Variants in BRD1 observed in about 807,000 individuals in gnomAD.
The protein encoded by BRD1 is bromodomain-containing protein 1.
BRD1 carries 24 observed loss-of-function variants against 107.7 expected under a neutral mutation model. The observed-to-expected ratio is 0.22, with a 90% CI of 0.16 to 0.31. BRD1 has a LOEUF of 0.31. Ranked by LOEUF, BRD1 falls within the 10% of genes least tolerant of loss-of-function variation. BRD1 has a pLI of 1.00. For missense variants in BRD1, 1,279 were observed against 1,638.6 expected (o/e 0.78, Z 3.79); for synonymous variants, 744 against 686.1 (o/e 1.08, Z -1.32).
chr22:49,816,747 G>C (rs140241577), intron 2 of BRD1, among the ~76,000 whole-genome samples: 68 of 152,326 alleles, frequency 4.5e-4, no homozygotes, highest in African/African-American at 1.3e-3. Flanking sequence ...AAATAGACTA[G>C]GGCCAGGTGG....
At chr22:49,811,807 A>C (rs1465080743) in intron 2 of BRD1, among the ~76,000 whole-genome samples, 1 of 152,196 alleles carries the variant, frequency 6.6e-6, no homozygotes, top group Non-Finnish European at 1.5e-5. Flanking sequence ...CAGGGATGGA[A>C]TGGGACACAC....
chr22:49,774,256 T>C lies in BRD1; in HGVS notation c.3547A>G (p.Ser1183Gly). ...HLSRVHGEPT[S>G]DLSDID ...CGTCAGTCAATGTCACTGAGGTCGCTGGTCGGCTCCCCGTGGACGCGGCTC... is the reference window on the plus strand; with the variant it reads ...CGTCAGTCAATGTCACTGAGGTCGCCGGTCGGCTCCCCGTGGACGCGGCTC... Residue 1183 changes from serine (S) to glycine (G), a missense_variant, in exon 13 of 13, where the codon AGC becomes GGC. Ser to Gly is a moderately conservative substitution (Grantham distance 56). This residue lies in a region of BRD1 where 136 missense variants were observed against 196.8 expected (regional missense o/e 0.69). Coordinates refer to ENST00000404760, the MANE Select transcript of BRD1 (RefSeq NM_001304808.3). 3.1e-6 allele frequency: 5 copies of C among 1,613,968 alleles called. No individual in the cohort carries two copies. The highest frequency in any genetic ancestry group is 4.2e-6 in the Non-Finnish European group (5 of 1,179,900).
chr22:49,817,701 T>G (rs2059980407), intron 2 of BRD1: 1 of 221,184 alleles, frequency 4.5e-6, no homozygotes, highest in Admixed American at 4.1e-5. Flanking sequence ...CTTGGAAGAA[T>G]ATCAATTCCA....
chr22:49,821,431 AC>A (rs1413732113), intron 2 of BRD1, among the ~76,000 whole-genome samples: 5 of 152,224 alleles, frequency 3.3e-5, no homozygotes, highest in Admixed American at 2.0e-4. Context: ...AGATTAATTT[AC>A]AAAGACAAAC....
intron 2 of BRD1, chr22:49,821,037 A>G (rs888042678): frequency 6.6e-6 from 1 of 152,388 alleles, no homozygotes; most frequent in Admixed American, 6.5e-5. Flanking sequence ...ACCACACAGT[A>G]CGCGGTTTAG....
At chr22:49,786,706 G>A (rs377313368) in intron 8 of BRD1, among the ~76,000 whole-genome samples, 2 of 152,062 alleles carry the variant, frequency 1.3e-5, no homozygotes, top group Non-Finnish European at 2.9e-5. Flanking sequence ...TTGCAGAGTC[G>A]AGCTCCCACA....
chr22:49,775,840 C>A, intron 11 of BRD1, 95 bp from the exon 12 acceptor site: 1 of 1,223,912 alleles, frequency 8.2e-7, no homozygotes, highest in Non-Finnish European at 1.1e-6. Context: ...CCCACCCCAG[C>A]TGTGTGAGCC....
chr22:49,780,206 A>T (rs111728779), intron 8 of BRD1, among the ~76,000 whole-genome samples: 5 of 151,992 alleles, frequency 3.3e-5, no homozygotes, highest in Non-Finnish European at 5.9e-5. Context: ...TGCACAGACC[A>T]CTCAGCAGCC....
chr22:49,789,218 C>A (rs114652518), intron 7 of BRD1, among the ~76,000 whole-genome samples: 4,297 of 152,294 alleles, frequency 0.028, 224 homozygotes, highest in African/African-American at 0.098. Context: ...GGCAGGGGCA[C>A]ATGCGAGGTG....
Position 49,787,755 on chromosome 22 carries a change from A to T in BRD1, c.2492T>A (p.Val831Asp). Residue 831 changes from valine to aspartate, a missense_variant, in exon 8 of 13, where the codon GTC (valine) becomes GAC (aspartate). Val to Asp is a radical substitution (Grantham distance 152, BLOSUM62 -3). This residue lies in a region of BRD1 where 406 missense variants were observed against 519.4 expected (regional missense o/e 0.78). Coordinates refer to ENST00000404760, the MANE Select transcript of BRD1 (RefSeq NM_001304808.3). ...NPEQSKLFKR[V>D]TFDNESHSAC... ...GCTATGTGATTCATTATCAAATGTGACTCTTTTGAAAAGTTTACTCTGCTC... is the reference window on the plus strand; with the variant it reads ...GCTATGTGATTCATTATCAAATGTGTCTCTTTTGAAAAGTTTACTCTGCTC... The T allele has an allele frequency of 6.4e-7, 1 of 1,550,528 alleles. No individual in the cohort carries two copies. Among genetic ancestry groups the T allele is most frequent in the Non-Finnish European group, 8.7e-7 (1 of 1,147,020 alleles).
chr22:49,819,195 G>A lies in BRD1; in HGVS notation c.1367+3756C>T, dbSNP rs142354884. Among the ~76,000 whole-genome samples the A allele has an allele frequency of 2.7e-3, 414 of 152,272 alleles. 2 individuals are homozygous for A. Among genetic ancestry groups the A allele is most frequent in the African/African-American group, 7.6e-3 (316 of 41,556 alleles). On this transcript the variant is annotated intron_variant, in intron 2 of 12. Transcript: ENST00000404760. ...GGATCGCTTGAACCTGGGAGGTGGA[G>A]GCTGCAGTGAGCCGAGATTATGCCA... is the stretch of plus-strand genomic sequence containing the variant.
chr22:49,774,463 A>T, intron 12 of BRD1, 47 bp from the exon 13 acceptor site: 1 of 1,567,892 alleles, frequency 6.4e-7, no homozygotes, highest in Non-Finnish European at 8.7e-7. Context: ...TGCACATGGT[A>T]TTTCAGCAGG....
intron 9 of BRD1, 98 bp downstream of exon 9, chr22:49,777,580 T>C: frequency 6.7e-7 from 1 of 1,500,996 alleles, no homozygotes; most frequent in Non-Finnish European, 8.9e-7. Flanking sequence ...CAGAGAACAC[T>C]AAGATGGGAG....
At chr22:49,813,248 A>G (rs1242446119) in intron 2 of BRD1, among the ~76,000 whole-genome samples, 1 of 152,020 alleles carries the variant, frequency 6.6e-6, no homozygotes, top group Non-Finnish European at 1.5e-5. Context: ...TTTGAGATGG[A>G]GTCTCGCTCT....
rs76483085 is a variant in BRD1, at chr22:49,823,985, C to T, written c.333G>A (p.Pro111=). The T allele has an allele frequency of 9.7e-4, 1,560 of 1,613,998 alleles. 7 individuals are homozygous for T. In the African/African-American group the frequency reaches 0.018, roughly 19 times the overall value. Residue 111 remains proline, a synonymous_variant, in exon 2 of 13, where the codon CCG becomes CCA. Transcript: ENST00000404760. ...GCTCCGGGAGGGCACTGGCCGAGGC[C>T]GGCGTGCCGTGGGCGCTGGGGAGGG... is the stretch of plus-strand genomic sequence containing the variant. ...NEALPSAHGT[P]ASASALPEPK... is the part of the protein sequence containing the mutation.
Position 49,823,925 on chromosome 22 carries a change from G to A in BRD1, c.393C>T (p.Ser131=), listed in dbSNP as rs150368687. The A allele has an allele frequency of 1.4e-5, 22 of 1,614,084 alleles. No individual in the cohort carries two copies. Among genetic ancestry groups the A allele is most frequent in the African/African-American group, 2.7e-5 (2 of 74,946 alleles). The part of the protein sequence containing the change: ...KVRIVEYSPP[S]APRRPPVYYK... The stretch of plus-strand genomic sequence containing the variant: ...AGTACACAGGAGGCCTCCTGGGGGC[G>A]GACGGAGGGCTGTACTCCACGATGC... The change falls in exon 2 of 13, where the codon TCC becomes TCT. Residue 131 remains serine (S), a synonymous_variant. Coordinates refer to ENST00000404760, the MANE Select transcript of BRD1 (RefSeq NM_001304808.3).
chr22:49,799,927 C>T (rs2059610640), intron 3 of BRD1, among the ~76,000 whole-genome samples: 1 of 152,216 alleles, frequency 6.6e-6, no homozygotes, highest in South Asian at 2.1e-4. Context: ...GGCACCCTGA[C>T]CCTACCTCAA....
intron 8 of BRD1, among the ~76,000 whole-genome samples, chr22:49,784,332 G>A (rs935127755): frequency 2.0e-5 from 3 of 152,056 alleles, no homozygotes; most frequent in Admixed American, 2.0e-4. Context: ...GCTCTCACAC[G>A]CCCCAGCACG....
chr22:49,774,641 C>T (rs2059046010), intron 12 of BRD1, among the ~76,000 whole-genome samples: 1 of 152,160 alleles, frequency 6.6e-6, no homozygotes, highest in Admixed American at 6.5e-5. Flanking sequence ...GGCATAAAAA[C>T]CATCACCTCC....
Sources: allele counts gnomAD v4.1 joint callset (sites outside exome capture counted in the v4.1 genomes callset), GRCh38; gene constraint gnomAD v4.1.1; regional missense constraint gnomAD v4.1.1; transcripts MANE v1.5; gene names NCBI Gene and HGNC (gene_info 2026-07-23, HGNC 2026-07-21).